ADAMTS20: variants seen among roughly 807,000 people sequenced by gnomAD.
ADAMTS20 encodes A disintegrin and metalloproteinase with thrombospondin motifs 20.
ADAMTS20 carries 225 observed loss-of-function variants against 260.1 expected under a neutral mutation model. That is an observed-to-expected ratio of 0.87 (90% CI 0.78 to 0.97). The LOEUF (loss-of-function observed/expected upper bound fraction) is 0.97. Among genes scored for constraint, ADAMTS20 ranks in the 50% least tolerant of loss-of-function variants. ADAMTS20 has a pLI of 0.00. For synonymous variants in ADAMTS20, 802 were observed against 769.5 expected (o/e 1.04, Z -0.70); for missense variants, 2,400 against 2,337.7 (o/e 1.03, Z -0.55).
chr12:43,439,914 T>C lies in ADAMTS20; in HGVS notation c.2446A>G (p.Lys816Glu). 1 of 1,605,474 alleles carries C rather than the reference T, an allele frequency of 6.2e-7. No homozygotes were observed. The highest frequency in any genetic ancestry group is 8.5e-7 in the Non-Finnish European group (1 of 1,175,696). ...GAATTTACCTGCAAAATAAGTTCTT[T>C]CTCTTGTCGATTAGTACTATTAATT... is the stretch of plus-strand genomic sequence containing the variant. ...ERINSTNRQE[K>E]ELILQVLCVG... Residue 816 changes from lysine to glutamate, a missense_variant, in exon 17 of 39, where the codon AAA (lysine) becomes GAA (glutamate). By Grantham distance (56) the Lys-to-Glu change is moderately conservative. Coordinates refer to ENST00000389420, the MANE Select transcript of ADAMTS20 (RefSeq NM_025003.5).
At chr12:43,369,015 G>T (rs973294389) in intron 37 of ADAMTS20, among the ~76,000 whole-genome samples, 17 of 152,024 alleles carry the variant, frequency 1.1e-4, no homozygotes, top group African/African-American at 4.1e-4. Context: ...CATTTCCATG[G>T]ACTAAACGGA....
intron 7 of ADAMTS20, among the ~76,000 whole-genome samples, chr12:43,480,498 A>G (rs1255666404): frequency 6.6e-6 from 1 of 152,160 alleles, no homozygotes; most frequent in African/African-American, 2.4e-5. Flanking sequence ...TTTTTGAGAA[A>G]TCTTCATACT....
rs559090741 is a variant in ADAMTS20 at position 43,415,294 on chromosome 12, T to C, written c.4284+10220A>G. Among the ~76,000 whole-genome samples the C allele has an allele frequency of 5.9e-5, 9 of 152,252 alleles. No homozygotes were observed. The South Asian group carries it at 1.9e-3, about 32-fold the overall frequency. On this transcript the variant is annotated intron_variant, in intron 28 of 38. Transcript: ENST00000389420. ...ACATAGGCGTGTTCACTTTGGAAAA[T>C]TCATTGAACTGGACCATTATGATTT...
chr12:43,536,648 T>G (rs1357944252), intron 2 of ADAMTS20, among the ~76,000 whole-genome samples: 1 of 152,090 alleles, frequency 6.6e-6, no homozygotes, highest in African/African-American at 2.4e-5. Flanking sequence ...AAGGGAATAT[T>G]CCAAACGGTG....
chr12:43,454,017 C>A lies in ADAMTS20; in HGVS notation c.1650G>T (p.Thr550=), dbSNP rs964358021. Residue 550 remains threonine (T), a synonymous_variant, in exon 12 of 39, where the codon ACG becomes ACT. Transcript: ENST00000389420. ...CRHGLCVNKE[T]ETRPVNGEWG... ...ATTCACCATTTACAGGACGTGTTTCCGTTTCTTTGTTTACACATAGCCCAT... is the reference window on the plus strand; with the variant it reads ...ATTCACCATTTACAGGACGTGTTTCAGTTTCTTTGTTTACACATAGCCCAT... 1.2e-6 allele frequency: 2 copies of A among 1,613,568 alleles called. No homozygotes were observed. The highest frequency in any genetic ancestry group is 1.7e-6 in the Non-Finnish European group (2 of 1,179,724).
At chr12:43,458,862 G>A (rs970917514) in intron 11 of ADAMTS20, among the ~76,000 whole-genome samples, 2 of 152,166 alleles carry the variant, frequency 1.3e-5, no homozygotes, top group African/African-American at 4.8e-5. Context: ...GAAGGTAACT[G>A]CATCCACCTT....
chr12:43,448,245 ACAGGGCTACAGTAAC>A (rs1477075971), intron 14 of ADAMTS20, among the ~76,000 whole-genome samples: 1 of 152,202 alleles, frequency 6.6e-6, no homozygotes, highest in African/African-American at 2.4e-5. Flanking sequence ...AAACTATACT[ACAGGGCTACAGTAAC>A]CAAAACAGCA....
At chr12:43,474,099 A>G (rs1942310233) in intron 7 of ADAMTS20, among the ~76,000 whole-genome samples, 3 of 151,974 alleles carry the variant, frequency 2.0e-5, no homozygotes, top group Non-Finnish European at 2.9e-5. Context: ...TAGCAAGACT[A>G]ATAAAGAAAA....
chr12:43,374,194 C>A (rs1565669908), intron 36 of ADAMTS20, among the ~76,000 whole-genome samples: 2 of 152,072 alleles, frequency 1.3e-5, no homozygotes, highest in Admixed American at 6.5e-5. Flanking sequence ...AATGCTTCCA[C>A]ACTGTAGTAG....
chr12:43,512,075 C>T (rs1942931623), intron 3 of ADAMTS20, among the ~76,000 whole-genome samples: 1 of 151,816 alleles, frequency 6.6e-6, no homozygotes, highest in South Asian at 2.1e-4. Flanking sequence ...ATACTGAGTG[C>T]TTATTACATA....
intron 7 of ADAMTS20, among the ~76,000 whole-genome samples, chr12:43,472,282 C>T (rs1453143096): frequency 6.6e-6 from 1 of 151,856 alleles, no homozygotes; most frequent in Non-Finnish European, 1.5e-5. Context: ...GGGAAGTTTA[C>T]AGAAAAAAGA....
At chr12:43,507,858 C>G (rs149916245) in intron 3 of ADAMTS20, among the ~76,000 whole-genome samples, 31 of 152,218 alleles carry the variant, frequency 2.0e-4, no homozygotes, top group African/African-American at 7.2e-4. Context: ...AAGCTGGAGG[C>G]CATTATCCTT....
At chr12:43,360,159 A>G (rs1279935488) in intron 37 of ADAMTS20, among the ~76,000 whole-genome samples, 2 of 152,192 alleles carry the variant, frequency 1.3e-5, no homozygotes, top group Admixed American at 6.5e-5. Context: ...TTGAAAACAC[A>G]TATCACCGGC....
intron 2 of ADAMTS20, among the ~76,000 whole-genome samples, chr12:43,540,316 C>CTT (rs1360501816): frequency 6.6e-6 from 1 of 152,176 alleles, no homozygotes; most frequent in Non-Finnish European, 1.5e-5. Flanking sequence ...TCGGTACCTC[C>CTT]TTTTAAGTTG....
At chr12:43,496,331 G>C (rs1303973535) in intron 4 of ADAMTS20, among the ~76,000 whole-genome samples, 2 of 152,168 alleles carry the variant, frequency 1.3e-5, no homozygotes, top group African/African-American at 4.8e-5. Context: ...GACACTGAAA[G>C]TTAGGCAGCT....
At chr12:43,539,393 A>G (rs909574172) in intron 2 of ADAMTS20, among the ~76,000 whole-genome samples, 1 of 152,240 alleles carries the variant, frequency 6.6e-6, no homozygotes, top group African/African-American at 2.4e-5. Context: ...ACGTTTTTAA[A>G]TAGTTCAAAA....
chr12:43,506,404 T>G (rs962009005), intron 3 of ADAMTS20, among the ~76,000 whole-genome samples: 1 of 151,912 alleles, frequency 6.6e-6, no homozygotes, highest in African/African-American at 2.4e-5. Flanking sequence ...GGAGATCTGT[T>G]GCATAACAAT....
At chr12:43,490,276 A>G (rs1054397798) in intron 7 of ADAMTS20, 119 bp downstream of exon 7, 10 of 545,634 alleles carry the variant, frequency 1.8e-5, no homozygotes, top group Non-Finnish European at 2.8e-5. Flanking sequence ...GTAATAATTT[A>G]TCAAGATAAT....
At chr12:43,423,341 T>A (rs111939481) in intron 28 of ADAMTS20, 1 of 176,868 alleles carries the variant, frequency 5.7e-6, no homozygotes, top group East Asian at 1.5e-4. Flanking sequence ...GGACCATAGT[T>A]TGCTGACCTC....
Sources: gnomAD v4.1 joint callset for allele counts (sites outside exome capture counted in the v4.1 genomes callset) on GRCh38, gnomAD v4.1.1 for gene constraint, MANE v1.5 for transcripts, NCBI Gene and HGNC (gene_info 2026-07-23, HGNC 2026-07-21) for gene names.